Variants in RNF38 observed in about 807,000 individuals in gnomAD.
The protein encoded by RNF38 is E3 ubiquitin-protein ligase RNF38.
A neutral mutation model predicts 67.2 loss-of-function variants in RNF38; 15 were observed. The ratio of observed to expected loss-of-function variants is 0.22; its 90% CI spans 0.15 to 0.34. The LOEUF (loss-of-function observed/expected upper bound fraction) is 0.34, where lower values mean the gene tolerates loss of function less well. RNF38 is among the 10% of genes least tolerant of loss of function. The probability of loss-of-function intolerance (pLI) is 1.00; values close to 1 mark genes in which losing one functional copy is unlikely to be tolerated. For synonymous variants in RNF38, 220 were observed against 218.8 expected (o/e 1.01, Z -0.05); for missense variants, 524 against 639.9 (o/e 0.82, Z 1.95).
chr9:36,400,240 C>G lies in RNF38; in HGVS notation c.-132G>C. The G allele has an allele frequency of 1.4e-6, 2 of 1,421,316 alleles. No homozygotes were observed. The highest frequency in any genetic ancestry group is 9.2e-7 in the Non-Finnish European group (1 of 1,084,190). The allele number at this position is 1,421,316 out of a possible 1,614,324, so 88.0% of individuals were successfully genotyped here. On this transcript the variant is annotated 5_prime_UTR_variant, in exon 1 of 12. Coordinates refer to ENST00000259605, the MANE Select transcript of RNF38 (RefSeq NM_022781.5). ...GCATCCCCTGAGAACAAAACGCAGC[C>G]TATCCAGAAACCCACGGAAGCAGAA...
At chr9:36,436,478 C>A (rs1369394622) in intron 1 of RNF38, among the ~76,000 whole-genome samples, 1 of 152,166 alleles carries the variant, frequency 6.6e-6, no homozygotes, top group Non-Finnish European at 1.5e-5. Context: ...TACCAATTTT[C>A]CTTCTATTAT....
chr9:36,366,774 G>C (rs886792771), intron 4 of RNF38, among the ~76,000 whole-genome samples: 38 of 152,234 alleles, frequency 2.5e-4, no homozygotes, highest in African/African-American at 9.1e-4. Flanking sequence ...TTCACTGTAG[G>C]TCTGTTTCTA....
chr9:36,446,991 G>A (rs1839323028), intron 1 of RNF38, among the ~76,000 whole-genome samples: 1 of 151,424 alleles, frequency 6.6e-6, no homozygotes, highest in South Asian at 2.1e-4. Flanking sequence ...GCTGGGTGTG[G>A]TGGCGGATGC....
chr9:36,425,264 A>G (rs1248663050), intron 1 of RNF38, among the ~76,000 whole-genome samples: 2 of 152,224 alleles, frequency 1.3e-5, no homozygotes, highest in Non-Finnish European at 2.9e-5. Flanking sequence ...TCAACAAGTG[A>G]TTGGAACAAC....
At position 36,397,568 on chromosome 9, in the gene RNF38, C is replaced by T. The variant is rs112690911; in HGVS notation, c.12+2529G>A. Among the ~76,000 whole-genome samples, 309 of 152,096 alleles carry T rather than the reference C, an allele frequency of 2.0e-3. 1 individual carries two copies. The highest frequency in any genetic ancestry group is 7.3e-3 in the African/African-American group (302 of 41,488). On this transcript the variant is annotated intron_variant, in intron 1 of 11. Coordinates refer to ENST00000259605, the MANE Select transcript of RNF38 (RefSeq NM_022781.5). ...TCTTGAGTTAGGCAAACAAACAGGACCCATCTCTTTCTGAGAGCACAGCAG... is the reference window on the plus strand; with the variant it reads ...TCTTGAGTTAGGCAAACAAACAGGATCCATCTCTTTCTGAGAGCACAGCAG...
At chr9:36,398,535 T>C (rs1001769265) in intron 1 of RNF38, among the ~76,000 whole-genome samples, 8 of 152,262 alleles carry the variant, frequency 5.3e-5, no homozygotes, top group Non-Finnish European at 1.0e-4. Context: ...AGAGTTCAAG[T>C]ATTAATGCTT....
intron 1 of RNF38, among the ~76,000 whole-genome samples, chr9:36,434,201 A>T (rs1405341975): frequency 7.1e-6 from 1 of 140,248 alleles, no homozygotes; most frequent in Admixed American, 7.6e-5. Flanking sequence ...GTGCCACTGC[A>T]CTCCAGCTTG....
At chr9:36,359,644 C>T (rs16933238) in intron 4 of RNF38, among the ~76,000 whole-genome samples, 9,490 of 152,008 alleles carry the variant, frequency 0.062, 337 homozygotes, top group South Asian at 0.14. Flanking sequence ...GTTATTCTTA[C>T]GTATAAAATC....
chr9:36,448,661 T>C (rs540109009), intron 1 of RNF38, among the ~76,000 whole-genome samples: 67 of 152,040 alleles, frequency 4.4e-4, no homozygotes, highest in Non-Finnish European at 9.7e-4. Context: ...CTTCAGAAAT[T>C]GCCTGCCCCA....
intron 1 of RNF38, 143 bp downstream of exon 1, chr9:36,399,954 G>A (rs1391631522): frequency 8.2e-6 from 6 of 729,230 alleles, no homozygotes; most frequent in South Asian, 2.0e-5. Flanking sequence ...TAAGTCCACC[G>A]CTTAAGAAAA....
At chr9:36,393,522 T>TGGGG (rs563686874) in intron 1 of RNF38, among the ~76,000 whole-genome samples, 2 of 124,498 alleles carry the variant, frequency 1.6e-5, no homozygotes, top group African/African-American at 6.1e-5. Context: ...TGTGTGTGTG[T>TGGGG]GGGGCAGGCA....
rs1357862859 is a variant in RNF38 at position 36,451,499 on chromosome 9, T to TG, written n.242-26817_242-26816insC. ...AAAAAAAAATTGTAGTAGTTTTTTTTTTTTTTTTTTTTTTTTTTGAGACGG... is the reference window on the plus strand; with the variant it reads ...AAAAAAAAATTGTAGTAGTTTTTTTTGTTTTTTTTTTTTTTTTTTGAGACGG... On this transcript the variant is annotated intron_variant and non_coding_transcript_variant, in intron 1 of 3. Transcript: ENST00000488058. Among the ~76,000 whole-genome samples the TG allele has an allele frequency of 1.6e-4, 22 of 134,210 alleles. 1 individual carries two copies. Among genetic ancestry groups the TG allele is most frequent in the South Asian group, 1.0e-3 (4 of 3,882 alleles). The allele number at this position is 134,210 out of a possible 152,430, so 88.0% of individuals were successfully genotyped here.
At chr9:36,380,021 A>G (rs1836091041) in intron 2 of RNF38, among the ~76,000 whole-genome samples, 1 of 152,208 alleles carries the variant, frequency 6.6e-6, no homozygotes, top group African/African-American at 2.4e-5. Context: ...AGTGTTTACT[A>G]GTTTCTGATA....
chr9:36,400,269 C>T lies in RNF38; in HGVS notation c.-161G>A, dbSNP rs186852022. ...CCAGAAACCCACGGAAGCAGAAGGA[C>T]GCCAGAGAGGACCCTTTCGACCGGG... On this transcript the variant is annotated 5_prime_UTR_variant, in exon 1 of 12. Transcript: ENST00000259605. 3.7e-4 allele frequency: 503 copies of T among 1,350,908 alleles called. No individual in the cohort carries two copies. The highest frequency in any genetic ancestry group is 4.6e-4 in the Non-Finnish European group (479 of 1,047,172). 83.7% of individuals were successfully genotyped at this position (1,350,908 alleles called of 1,614,324 possible).
intron 1 of RNF38, among the ~76,000 whole-genome samples, chr9:36,438,815 C>T (rs1259919002): frequency 6.6e-6 from 1 of 152,186 alleles, no homozygotes; most frequent in Non-Finnish European, 1.5e-5. Context: ...TGTCCTCTCT[C>T]CTCCTCTCAC....
rs550473442 is a variant in RNF38 at position 36,345,963 on chromosome 9, G to C, written c.1264-1010C>G. ...GAATACTTATACCATAAGACCCATC[G>C]TGTCCACTGGTTATGTTAGCAGCCA... On this transcript the variant is annotated intron_variant, in intron 9 of 11. Coordinates refer to ENST00000259605, the MANE Select transcript of RNF38 (RefSeq NM_022781.5). Among the ~76,000 whole-genome samples, 8 of 152,238 alleles carry C rather than the reference G, an allele frequency of 5.3e-5. No individual in the cohort carries two copies. In the South Asian group the frequency reaches 1.7e-3, roughly 32 times the overall value.
chr9:36,418,941 C>T lies in RNF38; in HGVS notation n.312+5672G>A, dbSNP rs567237497. On this transcript the variant is annotated intron_variant and non_coding_transcript_variant, in intron 2 of 3. Coordinates refer to the RNF38 transcript ENST00000488058. ...TCACACCACTGCATTCCAGCCTGGG[C>T]AATGGAGCAAGACTCCATTTCAAAA... Among the ~76,000 whole-genome samples the T allele has an allele frequency of 2.0e-5, 3 of 152,110 alleles. No homozygotes were observed. The South Asian group carries it at 6.2e-4, about 32-fold the overall frequency.
At chr9:36,376,196 A>C in intron 2 of RNF38, 69 bp from the exon 3 acceptor site, 1 of 1,159,322 alleles carries the variant, frequency 8.6e-7, no homozygotes, top group South Asian at 1.7e-5. Context: ...GCATATGCAC[A>C]GGTGTTAGGA....
In RNF38 at chr9:36,338,744, C is replaced by T. The variant is rs1489565048; in HGVS notation, c.*1008G>A. 1 of 148,114 alleles carries T rather than the reference C, an allele frequency of 6.8e-6. No homozygotes were observed. The highest frequency in any genetic ancestry group is 1.5e-5 in the Non-Finnish European group (1 of 65,554). 9.2% of individuals were successfully genotyped at this position (148,114 alleles called of 1,614,324 possible). On this transcript the variant is annotated 3_prime_UTR_variant, in exon 12 of 12. Coordinates refer to ENST00000259605, the MANE Select transcript of RNF38 (RefSeq NM_022781.5). ...TCAAATATCTTCAGAATAGACTAGA[C>T]TACAAATCTAAACATTAAAAAAAAT...
Sources: gnomAD v4.1 joint callset for allele counts (sites outside exome capture counted in the v4.1 genomes callset) on GRCh38, gnomAD v4.1.1 for gene constraint, MANE v1.5 for transcripts, NCBI Gene and HGNC (gene_info 2026-07-23, HGNC 2026-07-21) for gene names.